Variants in CREBBP observed in about 807,000 individuals in gnomAD.
CREBBP encodes CREB-binding protein.
In CREBBP, 19 loss-of-function variants were observed where a neutral mutation model predicts 265.0. The observed-to-expected ratio is 0.07, with a 90% CI of 0.05 to 0.11. The LOEUF (loss-of-function observed/expected upper bound fraction) is 0.11. Ranked by LOEUF, CREBBP falls within the 10% of genes least tolerant of loss-of-function variation. The pLI is 1.00. For synonymous variants in CREBBP, 1,457 were observed against 1,223.7 expected, an observed-to-expected ratio of 1.19 and a Z score of -3.98; for missense variants, 2,525 against 3,219.0, an observed-to-expected ratio of 0.78 and a Z score of 5.22.
At chr16:3,858,654 G>C (rs891093666) in intron 1 of CREBBP, among the ~76,000 whole-genome samples, 8 of 152,206 alleles carry the variant, frequency 5.3e-5, no homozygotes, top group African/African-American at 1.9e-4. Flanking sequence ...CAAGCTGCTT[G>C]TCTAGTCAAA....
Position 3,749,667 on chromosome 16 carries a change from G to C in CREBBP, c.3796C>G (p.Gln1266Glu), listed in dbSNP as rs2151368448. 1 of 1,602,164 alleles carries C rather than the reference G, an allele frequency of 6.2e-7. No individual in the cohort carries two copies. Among genetic ancestry groups the C allele is most frequent in the Non-Finnish European group, 8.5e-7 (1 of 1,170,156 alleles). The change falls in exon 21 of 31, where the codon CAG becomes GAG. Residue 1266 changes from glutamine (Q) to glutamate (E), a missense_variant. By Grantham distance (29) the Gln-to-Glu change is conservative. Coordinates refer to ENST00000262367, the MANE Select transcript of CREBBP (RefSeq NM_004380.3). The stretch of plus-strand genomic sequence containing the variant: ...GTATCATTTTTCTTCTTTTCAAACT[G>C]ATCCTTTGAAATTGTCCTTGTTTTA... Reference protein sequence around the residue: ...SQPQTTISKDQFEKKKNDTLD... With the variant: ...SQPQTTISKDEFEKKKNDTLD...
intron 19 of CREBBP, among the ~76,000 whole-genome samples, chr16:3,752,264 T>C (rs1303672060): frequency 1.3e-5 from 2 of 152,208 alleles, no homozygotes; most frequent in African/African-American, 4.8e-5. Flanking sequence ...GGGTTTGAGA[T>C]GGAAAAATTT....
intron 28 of CREBBP, 118 bp downstream of exon 28, chr16:3,735,918 T>C: frequency 2.0e-6 from 3 of 1,516,820 alleles, no homozygotes; most frequent in Non-Finnish European, 2.7e-6. Context: ...TCGACGTGCA[T>C]GTGTGAACGG....
intron 1 of CREBBP, among the ~76,000 whole-genome samples, chr16:3,852,669 G>C (rs965441263): frequency 2.6e-5 from 4 of 152,134 alleles, no homozygotes; most frequent in Non-Finnish European, 5.9e-5. Context: ...AGGAAGATGA[G>C]AAGCACAGTG....
intron 2 of CREBBP, among the ~76,000 whole-genome samples, chr16:3,832,236 C>T (rs779550759): frequency 6.6e-6 from 1 of 152,142 alleles, no homozygotes; most frequent in Admixed American, 6.5e-5. Flanking sequence ...GATCGCTTCA[C>T]TGGTGAATTT....
intron 3 of CREBBP, among the ~76,000 whole-genome samples, chr16:3,793,889 A>G (rs1439660613): frequency 6.6e-6 from 1 of 152,190 alleles, no homozygotes. Context: ...CACTGTAGCA[A>G]CCAAAATCCA....
chr16:3,849,484 T>A (rs947300041), intron 2 of CREBBP, among the ~76,000 whole-genome samples: 1 of 125,054 alleles, frequency 8.0e-6, no homozygotes, highest in South Asian at 2.7e-4. Flanking sequence ...TGTGTGTGTG[T>A]GTGTGATGTG....
intron 17 of CREBBP, 142 bp from the exon 18 acceptor site, chr16:3,758,190 A>C: frequency 1.1e-6 from 1 of 874,360 alleles, no homozygotes; most frequent in Non-Finnish European, 1.7e-6. Context: ...ATAGGAAATG[A>C]AAAGAAAATA....
chr16:3,742,581 A>G (rs1459739727), intron 23 of CREBBP: 2 of 152,086 alleles, frequency 1.3e-5, no homozygotes, highest in African/African-American at 4.8e-5. Flanking sequence ...AACTCAACAC[A>G]ATAAAATTAT....
At chr16:3,777,547 A>G in intron 11 of CREBBP, 66 bp downstream of exon 11, 1 of 1,531,774 alleles carries the variant, frequency 6.5e-7, no homozygotes, top group Non-Finnish European at 9.0e-7. Flanking sequence ...GGAGAGGAAA[A>G]AACAGTGAAA....
intron 26 of CREBBP, chr16:3,737,125 T>A (rs2052081353): frequency 2.1e-6 from 1 of 475,544 alleles, no homozygotes; most frequent in Non-Finnish European, 3.9e-6. Flanking sequence ...GGCAATGCCA[T>A]CCCCTTCCTC....
At chr16:3,759,569 A>G (rs1244301868) in intron 16 of CREBBP, among the ~76,000 whole-genome samples, 2 of 145,986 alleles carry the variant, frequency 1.4e-5, no homozygotes, top group African/African-American at 5.5e-5. Flanking sequence ...CCTGGACAAC[A>G]AGAGCAAAAC....
rs917589952 is a variant in CREBBP, at chr16:3,773,647, T to C, written c.2463+104A>G. The C allele has an allele frequency of 2.5e-6, 3 of 1,219,900 alleles. No homozygotes were observed. In the African/African-American group the frequency reaches 4.5e-5, roughly 18 times the overall value. 75.6% of individuals were successfully genotyped at this position (1,219,900 alleles called of 1,614,324 possible). A position where few individuals can be genotyped will look rare whatever the true frequency, so the allele number is the denominator to read the frequency against. On this transcript the variant is annotated intron_variant, in intron 13 of 30. Transcript: ENST00000262367. ...CTGATACAAAGACATGAAATGTGCA[T>C]TCTGGAATTTTAATTTCCACGAAGG...
intron 2 of CREBBP, among the ~76,000 whole-genome samples, chr16:3,843,511 C>A (rs889225935): frequency 1.3e-5 from 2 of 150,268 alleles, no homozygotes; most frequent in Admixed American, 1.3e-4. Context: ...ACTTTGCACT[C>A]CTGGGCTCAA....
At chr16:3,788,964 C>T (rs1000771404) in intron 5 of CREBBP, among the ~76,000 whole-genome samples, 5 of 152,150 alleles carry the variant, frequency 3.3e-5, no homozygotes, top group Non-Finnish European at 7.4e-5. Flanking sequence ...AACAAACCAA[C>T]CAACCAAACA....
At chr16:3,875,414 C>T (rs1272233996) in intron 1 of CREBBP, among the ~76,000 whole-genome samples, 5 of 152,180 alleles carry the variant, frequency 3.3e-5, no homozygotes, top group Non-Finnish European at 7.3e-5. Flanking sequence ...GTAACATAAC[C>T]GTTTCTCATT....
chr16:3,817,427 A>G (rs567129140), intron 2 of CREBBP, among the ~76,000 whole-genome samples: 6 of 152,358 alleles, frequency 3.9e-5, no homozygotes, highest in African/African-American at 1.4e-4. Flanking sequence ...CCAGGCTCAG[A>G]AAGACCAGAA....
At position 3,725,476 on chromosome 16, in the gene CREBBP, G is replaced by A. The variant is rs1295135537; in HGVS notation, c.*2242C>T. ...AGCCCCACTTCTTGTTTGAACACAT[G>A]GCTCAAGGTTTCCCTACGGGTGGAA... On this transcript the variant is annotated 3_prime_UTR_variant, in exon 31 of 31. Transcript: ENST00000262367. 2 of 233,112 alleles carry A rather than the reference G, an allele frequency of 8.6e-6. No individual in the cohort carries two copies. Among genetic ancestry groups the A allele is most frequent in the Non-Finnish European group, 1.7e-5 (2 of 117,998 alleles). 14.4% of individuals were successfully genotyped at this position (233,112 alleles called of 1,614,324 possible). A position where few individuals can be genotyped will look rare whatever the true frequency, so the allele number is the denominator to read the frequency against.
Position 3,728,290 on chromosome 16 carries a change from G to A in CREBBP, c.6757C>T (p.His2253Tyr), listed in dbSNP as rs2051802598. The A allele has an allele frequency of 6.2e-7, 1 of 1,612,040 alleles. No individual in the cohort carries two copies. Among genetic ancestry groups the A allele is most frequent in the Non-Finnish European group, 8.5e-7 (1 of 1,179,550 alleles). Residue 2253 changes from histidine to tyrosine, a missense_variant, in exon 31 of 31, where the codon CAT becomes TAT. Physicochemically the swap from His to Tyr is moderately conservative, Grantham distance 83 (BLOSUM62 2). This residue lies in a region of CREBBP where 473 missense variants were observed against 459.3 expected (regional missense o/e 1.03). Coordinates refer to ENST00000262367, the MANE Select transcript of CREBBP (RefSeq NM_004380.3). This position sits in a 1 kb window ranked among gnomAD's most constrained non-coding sequence, Gnocchi z 8.7. ...AMQQQQRMQQ[H>Y]LPLQGSSMGQ... ...ATGGAGCTGCCCTGGAGGGGGAGAT[G>A]CTGCTGCATGCGCTGCTGCTGCTGC...
Sources: allele counts gnomAD v4.1 joint callset (sites outside exome capture counted in the v4.1 genomes callset), GRCh38; gene constraint gnomAD v4.1.1; regional missense constraint gnomAD v4.1.1; non-coding constraint Gnocchi (gnomAD v3.1); transcripts MANE v1.5; gene names NCBI Gene and HGNC (gene_info 2026-07-23, HGNC 2026-07-21).